Variants in SLC12A3 observed in about 807,000 individuals in gnomAD.
The protein encoded by SLC12A3 is solute carrier family 12 member 3, also known as Na-Cl cotransporter.
SLC12A3 carries 104 observed loss-of-function variants against 121.0 expected under a neutral mutation model. The ratio of observed to expected loss-of-function variants is 0.86; its 90% confidence interval spans 0.73 to 1.01. The LOEUF is 1.01. SLC12A3 is among the 50% of genes least tolerant of loss of function. SLC12A3 has a pLI of 0.00. For synonymous variants in SLC12A3, 536 were observed against 533.4 expected (o/e 1.00, Z -0.07); for missense variants, 1,328 against 1,356.3 (o/e 0.98, Z 0.33).
At chr16:56,865,546 T>C (rs1385158859) in intron 1 of SLC12A3, 29 bp downstream of exon 1, 3 of 1,605,488 alleles carry the variant, frequency 1.9e-6, no homozygotes, top group South Asian at 1.1e-5. Context: ...GACTGGCCAC[T>C]TCCCTGCTGT....
At position 56,913,470 on chromosome 16, in the gene SLC12A3, T is replaced by C; in HGVS notation, c.*65T>C. On this transcript the variant is annotated 3_prime_UTR_variant, in exon 26 of 26. Transcript: ENST00000563236. ...TGGGATAAGTTGGAACTTGATTGCCTCTAGTCCACAGGGATGAGACTCATG... is the reference window on the plus strand; with the variant it reads ...TGGGATAAGTTGGAACTTGATTGCCCCTAGTCCACAGGGATGAGACTCATG... 4.0e-6 allele frequency: 6 copies of C among 1,495,828 alleles called. No homozygotes were observed. Among genetic ancestry groups the C allele is most frequent in the Non-Finnish European group, 5.6e-6 (6 of 1,072,354 alleles). 92.7% of individuals were successfully genotyped at this position (1,495,828 alleles called of 1,614,324 possible). A position where few individuals can be genotyped will look rare whatever the true frequency, so the allele number is the denominator to read the frequency against.
intron 1 of SLC12A3, among the ~76,000 whole-genome samples, chr16:56,865,997 T>TTTC (rs1964345856): frequency 2.0e-5 from 3 of 151,602 alleles, no homozygotes; most frequent in African/African-American, 7.3e-5. Flanking sequence ...TTTTCTTTTT[T>TTTC]TTTTTTGAGA....
intron 13 of SLC12A3, among the ~76,000 whole-genome samples, 173 bp downstream of exon 13, chr16:56,882,670 G>A (rs1032035533): frequency 6.6e-6 from 1 of 151,958 alleles, no homozygotes; most frequent in East Asian, 1.9e-4. Context: ...GGCTGGGCTC[G>A]GTGGCTCATG....
chr16:56,880,628 G>C (rs554473185), intron 12 of SLC12A3, among the ~76,000 whole-genome samples: 1 of 152,278 alleles, frequency 6.6e-6, no homozygotes, highest in South Asian at 2.1e-4. Flanking sequence ...AAGCTGACTG[G>C]TCTCTCCTTG....
At chr16:56,895,051 A>G (rs970554662) in intron 22 of SLC12A3, among the ~76,000 whole-genome samples, 10 of 151,538 alleles carry the variant, frequency 6.6e-5, no homozygotes, top group Admixed American at 4.6e-4. Flanking sequence ...AACAAAAAAC[A>G]AATCTCCTCC....
At position 56,894,668 on chromosome 16, in the gene SLC12A3, G is replaced by A. The variant is rs2055438607; in HGVS notation, c.2633+26G>A. The A allele has an allele frequency of 2.6e-6, 4 of 1,548,132 alleles. No homozygotes were observed. The East Asian group carries it at 9.0e-5, about 35-fold the overall frequency. Reference sequence around the variant, plus strand: ...GTAAGTGTGGAGGGCTGGCCTGGGGGTGACTGCAGGGACCAGTGTCATCTT... The same window carrying A: ...GTAAGTGTGGAGGGCTGGCCTGGGGATGACTGCAGGGACCAGTGTCATCTT... On this transcript the variant is annotated intron_variant, in intron 22 of 25. Coordinates refer to ENST00000563236, the MANE Select transcript of SLC12A3 (RefSeq NM_001126108.2).
Position 56,913,546 on chromosome 16 carries a change from G to A in SLC12A3, c.*141G>A, listed in dbSNP as rs1014914916. On this transcript the variant is annotated 3_prime_UTR_variant, in exon 26 of 26. Transcript: ENST00000563236. ...TCTGATGATCTCACCGAAAAAGATG[G>A]TAGATTTCCAAATCTGGCTGGACTC... 3 of 900,064 alleles carry A rather than the reference G, an allele frequency of 3.3e-6. No homozygotes were observed. The highest frequency in any genetic ancestry group is 3.3e-5 in the African/African-American group (2 of 61,408). 55.8% of individuals were successfully genotyped at this position (900,064 alleles called of 1,614,324 possible).
chr16:56,876,514 G>A (rs1447880616), intron 8 of SLC12A3, among the ~76,000 whole-genome samples: 1 of 152,212 alleles, frequency 6.6e-6, no homozygotes. Flanking sequence ...TCCACCCAAA[G>A]CCCTGGGAGA....
intron 18 of SLC12A3, among the ~76,000 whole-genome samples, chr16:56,890,010 G>A (rs1317363291): frequency 6.6e-6 from 1 of 152,198 alleles, no homozygotes; most frequent in African/African-American, 2.4e-5. Context: ...TTATCCAAAT[G>A]TATCAGGAGG....
At position 56,894,624 on chromosome 16, in the gene SLC12A3, T is replaced by C. The variant is rs752124879; in HGVS notation, c.2615T>C (p.Met872Thr). 1.2e-5 allele frequency: 20 copies of C among 1,613,882 alleles called. No individual in the cohort carries two copies. Among genetic ancestry groups the C allele is most frequent in the Non-Finnish European group, 1.5e-5 (18 of 1,179,934 alleles). The part of the protein sequence containing the change: ...RVFVGGQINR[M>T]DQERKAIISL... The stretch of plus-strand genomic sequence containing the variant: ...TTCGTAGGCGGCCAGATTAACAGGA[T>C]GGACCAGGAGAGAAAGGCGTAAGTG... Residue 872 changes from methionine to threonine, a missense_variant, in exon 22 of 26, where the codon ATG (methionine) becomes ACG (threonine). Coordinates refer to ENST00000563236, the MANE Select transcript of SLC12A3 (RefSeq NM_001126108.2).
intron 9 of SLC12A3, among the ~76,000 whole-genome samples, 174 bp from the exon 10 acceptor site, chr16:56,878,899 T>G (rs150591958): frequency 2.6e-5 from 4 of 152,356 alleles, no homozygotes; most frequent in African/African-American, 9.6e-5. Context: ...CGTAGGTTAT[T>G]GTAAAGTACT....
chr16:56,890,274 T>C lies in SLC12A3; in HGVS notation c.2286T>C (p.His762=), dbSNP rs2055370536. Residue 762 remains histidine (H), a splice_region_variant and synonymous_variant, in exon 19 of 26, where the codon CAT becomes CAC. Transcript: ENST00000563236. ...TGGACCTCACCTCCTCTCTTTCCAG[T>C]GATGCCTTTGATTTCAACTATGGCG... The part of the protein sequence containing the change: ...ATVEDYIGIL[H]DAFDFNYGVC... 6.2e-7 allele frequency: 1 copy of C among 1,613,904 alleles called. No homozygotes were observed. The highest frequency in any genetic ancestry group is 2.2e-5 in the East Asian group (1 of 44,884).
rs71381143 is a variant in SLC12A3, at chr16:56,898,253, G to GGTTTT, written c.2634-1251_2634-1247dup. On this transcript the variant is annotated intron_variant, in intron 22 of 25. Transcript: ENST00000563236. ...GTGTATTTTTTTGTTAGTTTGATTT[G>GGTTTT]GTTTTGTTTTGTTTTGTTTTGTTTT... Among the ~76,000 whole-genome samples, 116 of 151,558 alleles carry GGTTTT rather than the reference G, an allele frequency of 7.7e-4. 1 individual carries two copies. The highest frequency in any genetic ancestry group is 1.5e-3 in the African/African-American group (61 of 41,168).
rs1287454816 is a variant in SLC12A3, at chr16:56,886,947, C to T, written c.2038-6C>T. The T allele has an allele frequency of 3.7e-6, 6 of 1,613,378 alleles. No individual in the cohort carries two copies. The highest frequency in any genetic ancestry group is 1.3e-5 in the African/African-American group (1 of 74,900). ...TGGTGATGTCCCCTGCCCCTCCCAC[C>T]CACAGGGACCCCACAAGCAGAGGAT... On this transcript the variant is annotated splice_polypyrimidine_tract_variant and splice_region_variant and intron_variant, in intron 16 of 25. Coordinates refer to ENST00000563236, the MANE Select transcript of SLC12A3 (RefSeq NM_001126108.2).
intron 25 of SLC12A3, among the ~76,000 whole-genome samples, chr16:56,907,260 G>A (rs765478206): frequency 9.9e-5 from 15 of 152,078 alleles, no homozygotes; most frequent in Non-Finnish European, 1.8e-4. Context: ...GTTTGAGACC[G>A]GCCTGGCCAA....
At chr16:56,886,918 CA>C in intron 16 of SLC12A3, 34 bp from the exon 17 acceptor site, 1 of 1,612,610 alleles carries the variant, frequency 6.2e-7, no homozygotes, top group South Asian at 1.1e-5. Context: ...AGGGTGAAGG[CA>C]GCTGGTGATG....
At position 56,879,228 on chromosome 16, in the gene SLC12A3, G is replaced by A. The variant is rs757471117; in HGVS notation, c.1335+1G>A. On this transcript the variant is annotated splice_donor_variant, in intron 10 of 25. Transcript: ENST00000563236. LOFTEE classifies it high-confidence loss of function. Reference sequence around the variant, plus strand: ...CTACGGCCTCATCAACTATTACCAGGTACTGCCAGGAGAGCTGACCCACCA... The same window carrying A: ...CTACGGCCTCATCAACTATTACCAGATACTGCCAGGAGAGCTGACCCACCA... 3.1e-6 allele frequency: 5 copies of A among 1,613,760 alleles called. No individual in the cohort carries two copies. The African/African-American group carries it at 5.3e-5, about 17-fold the overall frequency.
At chr16:56,873,776 A>G (rs2055133260) in intron 8 of SLC12A3, among the ~76,000 whole-genome samples, 1 of 148,978 alleles carries the variant, frequency 6.7e-6, no homozygotes, top group African/African-American at 2.5e-5. Flanking sequence ...CAGTGGCACG[A>G]TCTCAGCTCA....
chr16:56,887,659 T>A (rs2144731563), intron 17 of SLC12A3, among the ~76,000 whole-genome samples: 1 of 151,640 alleles, frequency 6.6e-6, no homozygotes, highest in Admixed American at 6.6e-5. Flanking sequence ...ATGTAGGGTG[T>A]TGGTGACCAA....
Sources: gnomAD v4.1 joint callset for allele counts (sites outside exome capture counted in the v4.1 genomes callset) on GRCh38, gnomAD v4.1.1 for gene constraint, MANE v1.5 for transcripts, NCBI Gene and HGNC (gene_info 2026-07-23, HGNC 2026-07-21) for gene names.